The following CAMK1D variants were observed in gnomAD, a reference collection of about 807,000 sequenced individuals.
CAMK1D encodes calcium/calmodulin-dependent protein kinase type 1D.
In CAMK1D, 9 loss-of-function variants were observed where a neutral mutation model predicts 47.7. The observed-to-expected ratio is 0.19, with a 90% CI of 0.11 to 0.33. The LOEUF (loss-of-function observed/expected upper bound fraction) is 0.33, where lower values mean the gene tolerates loss of function less well. Ranked by LOEUF, CAMK1D falls within the 10% of genes least tolerant of loss-of-function variation. The pLI is 1.00. For synonymous variants in CAMK1D, 184 were observed against 184.9 expected (o/e 0.99, Z 0.04); for missense variants, 291 against 488.7 (o/e 0.60, Z 3.81).
chr10:12,405,580 C>G (rs1266724873), intron 1 of CAMK1D, among the ~76,000 whole-genome samples: 1 of 152,200 alleles, frequency 6.6e-6, no homozygotes, highest in South Asian at 2.1e-4. Flanking sequence ...GGACAATTAA[C>G]ACCTGAAATT....
intron 2 of CAMK1D, among the ~76,000 whole-genome samples, chr10:12,606,972 C>T (rs1288606853): frequency 6.6e-6 from 1 of 152,064 alleles, no homozygotes; most frequent in Non-Finnish European, 1.5e-5. Context: ...GGAATACAGG[C>T]GTCCACCACC....
intron 1 of CAMK1D, among the ~76,000 whole-genome samples, chr10:12,388,697 A>G (rs1332396645): frequency 1.3e-5 from 2 of 152,136 alleles, no homozygotes; most frequent in East Asian, 3.9e-4. Flanking sequence ...TACTTGGGAG[A>G]CTTCTGCGGG....
intron 1 of CAMK1D, among the ~76,000 whole-genome samples, chr10:12,372,000 C>A (rs559463317): frequency 6.6e-5 from 10 of 152,226 alleles, no homozygotes; most frequent in African/African-American, 2.4e-4. Context: ...TTTCACTGCA[C>A]CTTTTCCGTA....
At chr10:12,819,495 C>G (rs898703706) in intron 8 of CAMK1D, among the ~76,000 whole-genome samples, 6 of 152,210 alleles carry the variant, frequency 3.9e-5, no homozygotes, top group Non-Finnish European at 1.5e-5. Flanking sequence ...TGGATGAGCT[C>G]CTCAGCCCTT....
intron 1 of CAMK1D, among the ~76,000 whole-genome samples, chr10:12,483,813 A>G (rs895437168): frequency 6.6e-6 from 1 of 152,092 alleles, no homozygotes; most frequent in African/African-American, 2.4e-5. Context: ...TTGCCTCCCT[A>G]GTAGCTGAGA....
intron 3 of CAMK1D, among the ~76,000 whole-genome samples, chr10:12,711,749 A>G (rs931771613): frequency 2.0e-5 from 3 of 152,172 alleles, no homozygotes; most frequent in Non-Finnish European, 2.9e-5. Flanking sequence ...AGCAGATCTA[A>G]ATATCTACTC....
chr10:12,796,506 G>A lies in CAMK1D; in HGVS notation c.641+5273G>A, dbSNP rs142042213. ...TGTTCTGAAACAAGAGATGAGCCTC[G>A]CCAAGGCAGTTCCCATCCCTTTGAG... On this transcript the variant is annotated intron_variant, in intron 6 of 10. Transcript: ENST00000619168. 1.6e-3 allele frequency among the ~76,000 whole-genome samples: 238 copies of A among 152,270 alleles called. 2 individuals carry two copies. The highest frequency in any genetic ancestry group is 5.4e-3 in the African/African-American group (223 of 41,562).
intron 2 of CAMK1D, among the ~76,000 whole-genome samples, chr10:12,629,145 T>C (rs1412313358): frequency 6.6e-6 from 1 of 152,148 alleles, no homozygotes; most frequent in Non-Finnish European, 1.5e-5. Flanking sequence ...AGGCGGGAGC[T>C]TTTGTTCAGT....
intron 1 of CAMK1D, among the ~76,000 whole-genome samples, chr10:12,452,109 C>G (rs117441014): frequency 2.0e-5 from 3 of 152,096 alleles, no homozygotes; most frequent in Non-Finnish European, 4.4e-5. Context: ...GTTTGCGGAT[C>G]CCTTTGCAAG....
intron 1 of CAMK1D, among the ~76,000 whole-genome samples, chr10:12,390,761 G>T (rs768782459): frequency 2.0e-5 from 3 of 152,142 alleles, no homozygotes; most frequent in Admixed American, 6.5e-5. Flanking sequence ...AGCCCAGAAG[G>T]GTTGAGGGAC....
intron 2 of CAMK1D, among the ~76,000 whole-genome samples, chr10:12,641,864 G>A (rs1839675320): frequency 6.6e-6 from 1 of 151,720 alleles, no homozygotes; most frequent in Non-Finnish European, 1.5e-5. Context: ...GGCCAACATG[G>A]TGAGACCCCA....
intron 1 of CAMK1D, among the ~76,000 whole-genome samples, chr10:12,525,562 C>T (rs1293356438): frequency 6.6e-6 from 1 of 151,720 alleles, no homozygotes; most frequent in African/African-American, 2.4e-5. Flanking sequence ...GTCTAAAATT[C>T]ACATTTTTTC....
At chr10:12,674,247 GT>G in intron 3 of CAMK1D, among the ~76,000 whole-genome samples, 1 of 152,202 alleles carries the variant, frequency 6.6e-6, no homozygotes, top group South Asian at 2.1e-4. Context: ...CATCTTTTCT[GT>G]CTGGGTCAGT....
intron 1 of CAMK1D, among the ~76,000 whole-genome samples, chr10:12,550,414 G>T (rs1836539837): frequency 6.6e-6 from 1 of 152,104 alleles, no homozygotes; most frequent in Admixed American, 6.5e-5. Flanking sequence ...CCTCATTCAG[G>T]GTCTTGACCC....
At chr10:12,541,611 G>A (rs923437787) in intron 1 of CAMK1D, among the ~76,000 whole-genome samples, 2 of 152,030 alleles carry the variant, frequency 1.3e-5, no homozygotes, top group Non-Finnish European at 2.9e-5. Flanking sequence ...CACCCGCCTT[G>A]GCCCCCCAAA....
rs1833439725 is a variant in CAMK1D at position 12,832,724 on chromosome 10, C to T, written c.*3837C>T. The T allele has an allele frequency of 6.6e-6, 1 of 152,262 alleles. No individual in the cohort carries two copies. Among genetic ancestry groups the T allele is most frequent in the Non-Finnish European group, 1.5e-5 (1 of 68,112 alleles). 9.4% of individuals were successfully genotyped at this position (152,262 alleles called of 1,614,324 possible). On this transcript the variant is annotated 3_prime_UTR_variant, in exon 11 of 11. Coordinates refer to ENST00000619168, the MANE Select transcript of CAMK1D (RefSeq NM_153498.4). The stretch of plus-strand genomic sequence containing the variant: ...TGAGAACGGTGTAGAGTCTCTGAGC[C>T]ACCGCTGGCCTTTGAGAGAGTCTCA...
chr10:12,360,153 A>T (rs1317087724), intron 1 of CAMK1D, among the ~76,000 whole-genome samples: 1 of 152,212 alleles, frequency 6.6e-6, no homozygotes, highest in African/African-American at 2.4e-5. Flanking sequence ...AGTTGTTGAG[A>T]GGACCTTTCT....
intron 1 of CAMK1D, among the ~76,000 whole-genome samples, chr10:12,379,115 TG>T (rs1157836353): frequency 1.3e-5 from 2 of 152,302 alleles, no homozygotes; most frequent in East Asian, 3.9e-4. Context: ...TGACCAAGCA[TG>T]CATTTCTTTT....
chr10:12,827,378 T>TTCTC (rs141961320), intron 10 of CAMK1D, among the ~76,000 whole-genome samples: 79,997 of 99,536 alleles, frequency 0.8, 33,274 homozygotes, highest in East Asian at 0.85. Context: ...CTTTCTTTCT[T>TTCTC]TTTCTTTCCC....
Sources: gnomAD v4.1 joint callset for allele counts (sites outside exome capture counted in the v4.1 genomes callset) on GRCh38, gnomAD v4.1.1 for gene constraint, MANE v1.5 for transcripts, NCBI Gene and HGNC (gene_info 2026-07-23, HGNC 2026-07-21) for gene names.